MBTD1: variants seen among roughly 807,000 people sequenced by gnomAD.
MBTD1 encodes mbt domain containing 1, also known as MBT domain-containing protein 1.
MBTD1 carries 24 observed loss-of-function variants against 87.8 expected under a neutral mutation model. The ratio of observed to expected loss-of-function variants is 0.27; its 90% CI spans 0.20 to 0.38. MBTD1 has a LOEUF of 0.38. MBTD1 is among the 10% of genes least tolerant of loss of function. The probability of loss-of-function intolerance (pLI) is 1.00; values close to 1 mark genes in which losing one functional copy is unlikely to be tolerated. For synonymous variants in MBTD1, 237 were observed against 248.6 expected (o/e 0.95, Z 0.44); for missense variants, 436 against 760.2 (o/e 0.57, Z 5.02).
At position 51,209,348 on chromosome 17, in the gene MBTD1, T is replaced by G. The variant is rs1289514745; in HGVS notation, c.487-2343A>C. ...TCAGGACGCGAGGTCCACCTCAGGC[T>G]CCTCCCAAACAAGGAAGATCTGCTC... On this transcript the variant is annotated intron_variant, in intron 6 of 16. Coordinates refer to ENST00000586178, the MANE Select transcript of MBTD1 (RefSeq NM_017643.3). The G allele has an allele frequency of 4.7e-5, 22 of 470,880 alleles. 1 individual carries two copies. The highest frequency in any genetic ancestry group is 8.8e-5 in the Non-Finnish European group (20 of 226,984). 29.2% of individuals were successfully genotyped at this position (470,880 alleles called of 1,614,324 possible).
At chr17:51,227,195 T>C (rs887504215) in intron 2 of MBTD1, among the ~76,000 whole-genome samples, 2 of 143,570 alleles carry the variant, frequency 1.4e-5, no homozygotes, top group Admixed American at 7.4e-5. Flanking sequence ...TGAGCTGAGA[T>C]TGAGCCACTG....
upstream of MBTD1, chr17:51,260,436 G>C (rs375359430): frequency 1.2e-6 from 1 of 842,378 alleles, no homozygotes; most frequent in Non-Finnish European, 1.8e-6. Context: ...CGGGAGTTAC[G>C]TAGAGGGAGG....
rs534583627 is a variant in MBTD1, at chr17:51,179,318, T to C, written c.*1258A>G. The C allele has an allele frequency of 6.7e-6, 1 of 149,908 alleles. No individual in the cohort carries two copies. The highest frequency in any genetic ancestry group is 1.5e-5 in the Non-Finnish European group (1 of 67,602). The allele number at this position is 149,908 out of a possible 1,614,324, so 9.3% of individuals were successfully genotyped here. A position where few individuals can be genotyped will look rare whatever the true frequency, so the allele number is the denominator to read the frequency against. ...TAGAGCGCTCTCATTCAGTCACAAC[T>C]CAGTAGAAAGTTAGAAAATGCAGAG... On this transcript the variant is annotated 3_prime_UTR_variant, in exon 17 of 17. Transcript: ENST00000586178.
chr17:51,247,910 G>C (rs1349374739), intron 2 of MBTD1, among the ~76,000 whole-genome samples: 1 of 152,088 alleles, frequency 6.6e-6, no homozygotes, highest in African/African-American at 2.4e-5. Context: ...TAGGAAAATT[G>C]GTCTTATTTT....
chr17:51,187,271 TA>T (rs908017876), intron 16 of MBTD1, among the ~76,000 whole-genome samples: 3 of 148,168 alleles, frequency 2.0e-5, no homozygotes, highest in East Asian at 2.0e-4. Context: ...CTACAAAAAA[TA>T]AAAAAAAATT....
Position 51,200,499 on chromosome 17 carries a change from G to A in MBTD1, c.1224+1093C>T, listed in dbSNP as rs181091468. On this transcript the variant is annotated intron_variant, in intron 12 of 16. Coordinates refer to ENST00000586178, the MANE Select transcript of MBTD1 (RefSeq NM_017643.3). The stretch of plus-strand genomic sequence containing the variant: ...GGGAGAATTGCTTGAGCTCAAGGCT[G>A]TGGTGAGCTATGATCACGCCATTGC... Among the ~76,000 whole-genome samples, 560 of 148,028 alleles carry A rather than the reference G, an allele frequency of 3.8e-3. 3 individuals carry two copies. The highest frequency in any genetic ancestry group is 0.013 in the African/African-American group (522 of 39,990).
At chr17:51,223,816 TCA>T (rs1454578043) in intron 3 of MBTD1, among the ~76,000 whole-genome samples, 1 of 151,916 alleles carries the variant, frequency 6.6e-6, no homozygotes, top group Non-Finnish European at 1.5e-5. Context: ...AGCTTGGGCA[TCA>T]GAGTGAGACT....
chr17:51,236,981 C>CA (rs1264708828), intron 2 of MBTD1, among the ~76,000 whole-genome samples: 5 of 150,838 alleles, frequency 3.3e-5, no homozygotes, highest in Admixed American at 1.3e-4. Flanking sequence ...TTAGCTATGA[C>CA]AAAAAAAATA....
chr17:51,213,547 TA>T (rs879349727), intron 6 of MBTD1, among the ~76,000 whole-genome samples: 624 of 138,208 alleles, frequency 4.5e-3, no homozygotes, highest in Middle Eastern at 7.3e-3. Flanking sequence ...AAAAGCACAT[TA>T]AAAAAAAAAA....
chr17:51,218,090 T>C (rs927425956), intron 5 of MBTD1, among the ~76,000 whole-genome samples: 1 of 152,188 alleles, frequency 6.6e-6, no homozygotes, highest in Admixed American at 6.5e-5. Context: ...CATATCACTT[T>C]TAATTACCTC....
At chr17:51,199,537 G>T (rs1278841825) in intron 12 of MBTD1, among the ~76,000 whole-genome samples, 3 of 151,966 alleles carry the variant, frequency 2.0e-5, no homozygotes, top group South Asian at 4.2e-4. Context: ...CCCTTCCTGG[G>T]TTCAAGTGAT....
chr17:51,254,898 A>G (rs2054994119), intron 2 of MBTD1, among the ~76,000 whole-genome samples: 2 of 152,340 alleles, frequency 1.3e-5, no homozygotes, highest in South Asian at 2.1e-4. Context: ...TCAGCTATCA[A>G]TTCTACCCCA....
chr17:51,233,665 G>T (rs923867837), intron 2 of MBTD1, among the ~76,000 whole-genome samples: 3 of 151,130 alleles, frequency 2.0e-5, no homozygotes, highest in Non-Finnish European at 4.4e-5. Flanking sequence ...TTACATAAAA[G>T]AAAAAAACAA....
intron 2 of MBTD1, among the ~76,000 whole-genome samples, chr17:51,226,495 C>G (rs1428626900): frequency 6.6e-6 from 1 of 151,188 alleles, no homozygotes; most frequent in Non-Finnish European, 1.5e-5. Context: ...AGAGAGAGAC[C>G]ATGTCTCAAA....
intron 12 of MBTD1, among the ~76,000 whole-genome samples, chr17:51,196,294 G>T (rs1483127446): frequency 1.3e-5 from 2 of 151,162 alleles, no homozygotes; most frequent in African/African-American, 4.9e-5. Flanking sequence ...GTCAATCTCG[G>T]CTCACTGCAA....
At chr17:51,242,840 C>T (rs1568230310) in intron 2 of MBTD1, among the ~76,000 whole-genome samples, 1 of 152,086 alleles carries the variant, frequency 6.6e-6, no homozygotes, top group African/African-American at 2.4e-5. Context: ...TCACAAAAGT[C>T]ACATACTATA....
chr17:51,192,130 T>C (rs2054613484), intron 16 of MBTD1, 73 bp downstream of exon 16: 1 of 1,070,186 alleles, frequency 9.3e-7, no homozygotes, highest in Non-Finnish European at 1.4e-6. Context: ...TATATCATTT[T>C]CTGTCCAAGA....
rs1204393039 is a variant in MBTD1 at position 51,178,959 on chromosome 17, T to A, written c.*1617A>T. 2 of 152,190 alleles carry A rather than the reference T, an allele frequency of 1.3e-5. No homozygotes were observed. The highest frequency in any genetic ancestry group is 2.9e-5 in the Non-Finnish European group (2 of 68,036). The allele number at this position is 152,190 out of a possible 1,614,324, so 9.4% of individuals were successfully genotyped here. A position where few individuals can be genotyped will look rare whatever the true frequency, so the allele number is the denominator to read the frequency against. On this transcript the variant is annotated 3_prime_UTR_variant, in exon 17 of 17. Coordinates refer to ENST00000586178, the MANE Select transcript of MBTD1 (RefSeq NM_017643.3). ...GCATAGAATGAGGTAAACCTGTGCGTATTACCAATGCTATTATTCCCAAAA... is the reference window on the plus strand; with the variant it reads ...GCATAGAATGAGGTAAACCTGTGCGAATTACCAATGCTATTATTCCCAAAA...
At chr17:51,208,219 G>A (rs1011146949) in intron 6 of MBTD1, among the ~76,000 whole-genome samples, 1 of 152,168 alleles carries the variant, frequency 6.6e-6, no homozygotes, top group African/African-American at 2.4e-5. Context: ...TACTGAAGTT[G>A]GATAAGTCTA....
Sources: allele counts gnomAD v4.1 joint callset (sites outside exome capture counted in the v4.1 genomes callset), GRCh38; gene constraint gnomAD v4.1.1; transcripts MANE v1.5; gene names NCBI Gene and HGNC (gene_info 2026-07-23, HGNC 2026-07-21).